Variants in SGIP1 observed in about 807,000 individuals in gnomAD.
SGIP1 encodes SH3GL interacting endocytic adaptor 1, also known as SH3-containing GRB2-like protein 3-interacting protein 1.
SGIP1 carries 38 observed loss-of-function variants against 107.5 expected under a neutral mutation model. The ratio of observed to expected loss-of-function variants is 0.35; its 90% CI spans 0.27 to 0.46. The LOEUF is 0.46. SGIP1 is among the 20% of genes least tolerant of loss of function. The probability of loss-of-function intolerance (pLI) is 1.00; values close to 1 mark genes in which losing one functional copy is unlikely to be tolerated. For missense variants in SGIP1, 929 were observed against 1,019.5 expected, an observed-to-expected ratio of 0.91 and a Z score of 1.21; for synonymous variants, 365 against 366.1, an observed-to-expected ratio of 1.00 and a Z score of 0.03.
intron 1 of SGIP1, among the ~76,000 whole-genome samples, chr1:66,593,341 G>A (rs1269154012): frequency 6.6e-6 from 1 of 152,142 alleles, no homozygotes; most frequent in Non-Finnish European, 1.5e-5. Flanking sequence ...TTCAGTAAGA[G>A]TATGTTTAGT....
chr1:66,720,631 T>C (rs2093483923), intron 19 of SGIP1, among the ~76,000 whole-genome samples: 1 of 151,894 alleles, frequency 6.6e-6, no homozygotes, highest in South Asian at 2.1e-4. Flanking sequence ...GAAGTTGAGG[T>C]GGGAGGGTTG....
In SGIP1 at chr1:66,723,658, C is replaced by A. The variant is rs1436653918; in HGVS notation, c.1742+4253C>A. Among the ~76,000 whole-genome samples, 3 of 152,138 alleles carry A rather than the reference C, an allele frequency of 2.0e-5. No individual in the cohort carries two copies. In the East Asian group the frequency reaches 5.8e-4, roughly 29 times the overall value. ...AGAAATTTGCACAAGGACCATTTGT[C>A]CAATTTGTCACTGCCAAATCTAGCA... is the stretch of plus-strand genomic sequence containing the variant. On this transcript the variant is annotated intron_variant, in intron 19 of 24. Coordinates refer to ENST00000371037, the MANE Select transcript of SGIP1 (RefSeq NM_032291.4).
At chr1:66,698,278 T>G (rs969143466) in intron 18 of SGIP1, among the ~76,000 whole-genome samples, 4 of 152,188 alleles carry the variant, frequency 2.6e-5, no homozygotes, top group African/African-American at 9.7e-5. Flanking sequence ...TTTCTGAATG[T>G]TTTACTTTTA....
At chr1:66,534,140 C>T, upstream of SGIP1, 1 of 604,226 alleles carries the variant, frequency 1.7e-6, no homozygotes, top group Non-Finnish European at 3.0e-6. Flanking sequence ...CGTTCCTCTC[C>T]CTTTCTCTCA....
At chr1:66,707,169 T>C (rs1263437464) in intron 18 of SGIP1, among the ~76,000 whole-genome samples, 1 of 152,150 alleles carries the variant, frequency 6.6e-6, no homozygotes, top group Admixed American at 6.6e-5. Flanking sequence ...TGGGTTATGC[T>C]CCATTGTTTT....
chr1:66,550,222 A>AT (rs1196476481), intron 1 of SGIP1, among the ~76,000 whole-genome samples: 2 of 152,068 alleles, frequency 1.3e-5, no homozygotes, highest in Admixed American at 1.3e-4. Context: ...ATTATGGTTT[A>AT]TTTTTTATTT....
intron 1 of SGIP1, among the ~76,000 whole-genome samples, chr1:66,558,789 C>CT (rs34094469): frequency 6.7e-6 from 1 of 148,266 alleles, no homozygotes. Flanking sequence ...GTGTAGTTCT[C>CT]TTTTTTTAGG....
In SGIP1 at chr1:66,673,358, A is replaced by G; in HGVS notation, c.638A>G (p.Lys213Arg). The G allele has an allele frequency of 6.2e-7, 1 of 1,602,738 alleles. No individual in the cohort carries two copies. Among genetic ancestry groups the G allele is most frequent in the Non-Finnish European group, 8.5e-7 (1 of 1,177,464 alleles). Residue 213 changes from lysine to arginine, a missense_variant, in exon 12 of 25, where the codon AAG (lysine) becomes AGG (arginine). Lys to Arg is a conservative substitution (Grantham distance 26). Transcript: ENST00000371037. Reference protein sequence around the residue: ...PPLESAFDEQKTEVLLDQPEI... With the variant: ...PPLESAFDEQRTEVLLDQPEI... Reference sequence around the variant, plus strand: ...CTAGAATCAGCTTTTGATGAACAGAAGACAGAAGGTAGGAAAAGAAACTCC... The same window carrying G: ...CTAGAATCAGCTTTTGATGAACAGAGGACAGAAGGTAGGAAAAGAAACTCC...
At chr1:66,697,055 C>T (rs2091060096) in intron 18 of SGIP1, among the ~76,000 whole-genome samples, 1 of 152,134 alleles carries the variant, frequency 6.6e-6, no homozygotes, top group Admixed American at 6.5e-5. Context: ...ACCCTCAAAT[C>T]ATTGTCTGGG....
chr1:66,623,571 A>G (rs1283400176), intron 1 of SGIP1, among the ~76,000 whole-genome samples: 1 of 152,138 alleles, frequency 6.6e-6, no homozygotes, highest in African/African-American at 2.4e-5. Context: ...TTCTTATTCA[A>G]CAATTTGATT....
intron 15 of SGIP1, among the ~76,000 whole-genome samples, chr1:66,688,897 G>A (rs2089132712): frequency 6.6e-6 from 1 of 151,932 alleles, no homozygotes; most frequent in Admixed American, 6.6e-5. Context: ...AGCAATAAAA[G>A]GATTTACCTT....
In SGIP1 at chr1:66,543,393, G is replaced by T. The variant is rs1269200246; in HGVS notation, c.10+9025G>T. On this transcript the variant is annotated intron_variant, in intron 1 of 24. Transcript: ENST00000371037. ...CCATCATTTGAAGATTAACCAAATG[G>T]GTTCAACCTCATTTTAGAGTTGCAG... Among the ~76,000 whole-genome samples, 4 of 152,238 alleles carry T rather than the reference G, an allele frequency of 2.6e-5. No homozygotes were observed. The East Asian group carries it at 7.7e-4, about 29-fold the overall frequency.
intron 19 of SGIP1, among the ~76,000 whole-genome samples, chr1:66,728,456 G>T (rs962040522): frequency 1.3e-5 from 2 of 152,136 alleles, no homozygotes; most frequent in African/African-American, 4.8e-5. Flanking sequence ...TAAAATAAGT[G>T]CTGACCATTG....
intron 21 of SGIP1, among the ~76,000 whole-genome samples, chr1:66,738,195 T>A (rs988383263): frequency 6.6e-6 from 1 of 152,234 alleles, no homozygotes; most frequent in African/African-American, 2.4e-5. Context: ...AAAAGCCATA[T>A]CTGTCATTTT....
chr1:66,703,324 G>A (rs887779425), intron 18 of SGIP1, among the ~76,000 whole-genome samples: 1 of 152,130 alleles, frequency 6.6e-6, no homozygotes, highest in African/African-American at 2.4e-5. Context: ...TAGGGTGATG[G>A]AAGAAACGGG....
chr1:66,676,901 G>C, intron 12 of SGIP1, 103 bp from the exon 13 acceptor site: 1 of 862,124 alleles, frequency 1.2e-6, no homozygotes, highest in Admixed American at 2.7e-5. Context: ...TGAGACAAGA[G>C]GAAAATAATT....
In SGIP1 at chr1:66,729,461, C is replaced by G. The variant is rs377449467; in HGVS notation, c.1898+42C>G. ...ATAAATTTTTCAGAGATACATGTGG[C>G]TTAGTACTTTGTACTTAGATGAGGG... On this transcript the variant is annotated intron_variant, in intron 20 of 24. Coordinates refer to ENST00000371037, the MANE Select transcript of SGIP1 (RefSeq NM_032291.4). The G allele has an allele frequency of 9.3e-6, 15 of 1,611,408 alleles. No homozygotes were observed. The African/African-American group carries it at 2.0e-4, about 21-fold the overall frequency.
chr1:66,664,306 A>G (rs1002940404), intron 8 of SGIP1, among the ~76,000 whole-genome samples: 6 of 152,202 alleles, frequency 3.9e-5, no homozygotes, highest in Non-Finnish European at 8.8e-5. Context: ...GGTGGATTCA[A>G]TAGGTAGCAG....
rs186636640 is a variant in SGIP1, at chr1:66,562,060, T to C, written c.10+27692T>C. ...CTTCCCAAATCGAAGATTTCTTCTG[T>C]ATCAGTTTAAATAGGTGTGGGAGTT... On this transcript the variant is annotated intron_variant, in intron 1 of 24. Transcript: ENST00000371037. 2.6e-3 allele frequency among the ~76,000 whole-genome samples: 390 copies of C among 151,896 alleles called. 2 individuals are homozygous for C. Among genetic ancestry groups the C allele is most frequent in the African/African-American group, 9.1e-3 (378 of 41,448 alleles).
Sources: gnomAD v4.1 joint callset for allele counts (sites outside exome capture counted in the v4.1 genomes callset) on GRCh38, gnomAD v4.1.1 for gene constraint, MANE v1.5 for transcripts, NCBI Gene and HGNC (gene_info 2026-07-23, HGNC 2026-07-21) for gene names.